The following RASAL2 variants were observed in gnomAD, a reference collection of about 807,000 sequenced individuals.
The protein encoded by RASAL2 is ras GTPase-activating protein nGAP.
A neutral mutation model predicts 128.9 loss-of-function variants in RASAL2; 58 were observed. The observed-to-expected ratio is 0.45, with a 90% CI of 0.36 to 0.56. RASAL2 has a LOEUF of 0.56. Among genes scored for constraint, RASAL2 ranks in the 20% least tolerant of loss-of-function variants. RASAL2 has a pLI of 0.00. For synonymous variants in RASAL2, 561 were observed against 580.8 expected (o/e 0.97, Z 0.49); for missense variants, 1,360 against 1,601.6 (o/e 0.85, Z 2.57).
chr1:178,162,431 ATT>A (rs1169183599), intron 1 of RASAL2, among the ~76,000 whole-genome samples: 1 of 117,888 alleles, frequency 8.5e-6, no homozygotes, highest in Non-Finnish European at 1.6e-5. Flanking sequence ...TATTATATAT[ATT>A]TTATATATAA....
chr1:178,261,663 G>A (rs964044431), intron 1 of RASAL2, among the ~76,000 whole-genome samples: 7 of 152,052 alleles, frequency 4.6e-5, no homozygotes, highest in Admixed American at 1.3e-4. Context: ...GACTCAACGC[G>A]TGTAATCCCA....
intron 1 of RASAL2, among the ~76,000 whole-genome samples, chr1:178,138,964 G>A (rs1660434917): frequency 6.6e-6 from 1 of 151,822 alleles, no homozygotes; most frequent in African/African-American, 2.4e-5. Flanking sequence ...CTTTGTCTGT[G>A]GACCACAAAG....
At chr1:178,134,405 C>A (rs1369769892) in intron 1 of RASAL2, among the ~76,000 whole-genome samples, 1 of 147,412 alleles carries the variant, frequency 6.8e-6, no homozygotes, top group Non-Finnish European at 1.5e-5. Flanking sequence ...CTGTAGTGAG[C>A]CGTGATCGTG....
chr1:178,150,536 A>G (rs1254424622), intron 1 of RASAL2, among the ~76,000 whole-genome samples: 1 of 152,164 alleles, frequency 6.6e-6, no homozygotes. Flanking sequence ...TTTTCTCCAT[A>G]GAAGATAAAA....
intron 3 of RASAL2, among the ~76,000 whole-genome samples, chr1:178,320,168 C>T (rs1466428128): frequency 2.0e-5 from 3 of 151,694 alleles, no homozygotes; most frequent in East Asian, 3.9e-4. Flanking sequence ...TCTCCAGCTG[C>T]GTGCTGGGAG....
intron 1 of RASAL2, among the ~76,000 whole-genome samples, chr1:178,130,458 C>G (rs940798453): frequency 1.3e-5 from 2 of 152,212 alleles, no homozygotes; most frequent in Non-Finnish European, 2.9e-5. Context: ...TACATAATCT[C>G]AACTATATCA....
At chr1:178,159,565 C>T (rs1439484367) in intron 1 of RASAL2, among the ~76,000 whole-genome samples, 2 of 152,162 alleles carry the variant, frequency 1.3e-5, no homozygotes, top group East Asian at 1.9e-4. Flanking sequence ...AAAATGCTCT[C>T]GCTTATTAGA....
chr1:178,143,650 G>C (rs1370189464), intron 1 of RASAL2, among the ~76,000 whole-genome samples: 1 of 151,942 alleles, frequency 6.6e-6, no homozygotes, highest in South Asian at 2.1e-4. Flanking sequence ...CAAATGAATA[G>C]AAAAAGATAT....
chr1:178,352,297 A>T (rs964809404), intron 3 of RASAL2, among the ~76,000 whole-genome samples: 8 of 152,246 alleles, frequency 5.3e-5, no homozygotes, highest in Non-Finnish European at 7.3e-5. Flanking sequence ...TTTTGTGGCA[A>T]AGTTATCTTG....
intron 1 of RASAL2, among the ~76,000 whole-genome samples, chr1:178,171,259 A>G (rs1031721465): frequency 6.6e-6 from 1 of 151,802 alleles, no homozygotes; most frequent in African/African-American, 2.4e-5. Context: ...GTACCTGCTC[A>G]CTCTTATTTT....
chr1:178,161,948 A>G (rs1486416810), intron 1 of RASAL2, among the ~76,000 whole-genome samples: 1 of 150,078 alleles, frequency 6.7e-6, no homozygotes, highest in African/African-American at 2.5e-5. Flanking sequence ...TTGTTGATTT[A>G]TTTATTTATT....
intron 9 of RASAL2, 66 bp downstream of exon 9, chr1:178,445,728 T>A (rs1215984632): frequency 6.9e-7 from 1 of 1,452,128 alleles, no homozygotes; most frequent in Non-Finnish European, 9.2e-7. Flanking sequence ...TTCACCCCCA[T>A]GAGACGAATT....
intron 5 of RASAL2, among the ~76,000 whole-genome samples, chr1:178,435,140 A>G (rs542190314): frequency 3.0e-4 from 46 of 152,108 alleles, no homozygotes; most frequent in African/African-American, 1.1e-3. Context: ...CTGCCAAGCC[A>G]AGCAGAAACT....
chr1:178,208,938 A>G (rs1663158351), intron 1 of RASAL2, among the ~76,000 whole-genome samples: 1 of 152,168 alleles, frequency 6.6e-6, no homozygotes, highest in South Asian at 2.1e-4. Context: ...CCTACATTGA[A>G]ATATTGGGGG....
At chr1:178,127,606 G>C (rs953365507) in intron 1 of RASAL2, among the ~76,000 whole-genome samples, 2 of 152,172 alleles carry the variant, frequency 1.3e-5, no homozygotes, top group Non-Finnish European at 1.5e-5. Context: ...AAAACTCAAG[G>C]CTTACAGAGG....
At chr1:178,157,143 G>T (rs1326852907) in intron 1 of RASAL2, among the ~76,000 whole-genome samples, 1 of 152,044 alleles carries the variant, frequency 6.6e-6, no homozygotes, top group African/African-American at 2.4e-5. Flanking sequence ...TCTGCATATG[G>T]AACTGAATTT....
At chr1:178,226,801 G>A (rs1663806017) in intron 1 of RASAL2, among the ~76,000 whole-genome samples, 1 of 152,156 alleles carries the variant, frequency 6.6e-6, no homozygotes, top group Non-Finnish European at 1.5e-5. Flanking sequence ...CTAGCCAGGT[G>A]TGGTGGCATG....
chr1:178,211,508 A>C (rs1192124562), intron 1 of RASAL2, among the ~76,000 whole-genome samples: 2 of 152,142 alleles, frequency 1.3e-5, no homozygotes, highest in African/African-American at 4.8e-5. Flanking sequence ...TCCTCCCTTG[A>C]TCTGCCTCTA....
intron 1 of RASAL2, among the ~76,000 whole-genome samples, chr1:178,272,242 TTAAAAA>T (rs779727418): frequency 5.9e-5 from 9 of 152,174 alleles, no homozygotes; most frequent in Non-Finnish European, 1.0e-4. Flanking sequence ...CTCATTGAAC[TTAAAAA>T]TAAAGGAGAA....
Sources: allele counts gnomAD v4.1 joint callset (sites outside exome capture counted in the v4.1 genomes callset), GRCh38; gene constraint gnomAD v4.1.1; transcripts MANE v1.5; gene names NCBI Gene and HGNC (gene_info 2026-07-23, HGNC 2026-07-21).